Variants in PARD3B observed in about 807,000 individuals in gnomAD.
PARD3B encodes the protein par-3 family cell polarity regulator beta.
In PARD3B, 103 loss-of-function variants were observed where a neutral mutation model predicts 130.2. The ratio of observed to expected loss-of-function variants is 0.79; its 90% CI spans 0.67 to 0.93. The LOEUF is 0.93. Among genes scored for constraint, PARD3B ranks in the 40% least tolerant of loss-of-function variants. The pLI is 0.00. For missense variants in PARD3B, 1,609 were observed against 1,499.2 expected, an observed-to-expected ratio of 1.07 and a Z score of -1.21; for synonymous variants, 583 against 553.2, an observed-to-expected ratio of 1.05 and a Z score of -0.76.
intron 11 of PARD3B, among the ~76,000 whole-genome samples, chr2:205,168,288 GGAGA>G (rs761018109): frequency 0.058 from 7,398 of 126,850 alleles, 257 homozygotes; most frequent in African/African-American, 0.082. Flanking sequence ...GGTGAGAAAG[GGAGA>G]GAGAGAGAGA....
At chr2:205,489,211 AT>A (rs140643873) in intron 20 of PARD3B, among the ~76,000 whole-genome samples, 4,571 of 152,186 alleles carry the variant, frequency 0.03, 245 homozygotes, top group African/African-American at 0.11. Flanking sequence ...TATGTTGTTA[AT>A]AAAATTGACA....
At chr2:205,415,248 C>T (rs2111078) in intron 19 of PARD3B, among the ~76,000 whole-genome samples, 12,276 of 152,082 alleles carry the variant, frequency 0.081, 1,532 homozygotes, top group African/African-American at 0.27. Context: ...TATTTTCACA[C>T]GGCAACTTAA....
chr2:205,154,350 C>T (rs948237152), intron 10 of PARD3B, among the ~76,000 whole-genome samples: 1 of 152,156 alleles, frequency 6.6e-6, no homozygotes, highest in African/African-American at 2.4e-5. Flanking sequence ...CCATGAGACA[C>T]CATCTCACAC....
At chr2:205,362,147 A>G (rs2044412531) in intron 18 of PARD3B, among the ~76,000 whole-genome samples, 1 of 152,224 alleles carries the variant, frequency 6.6e-6, no homozygotes, top group African/African-American at 2.4e-5. Flanking sequence ...GCTGGTGACA[A>G]TGAAAAGTAG....
At chr2:205,389,392 C>T (rs1007053880) in intron 18 of PARD3B, among the ~76,000 whole-genome samples, 1 of 152,056 alleles carries the variant, frequency 6.6e-6, no homozygotes, top group Non-Finnish European at 1.5e-5. Flanking sequence ...GACGGGGTTT[C>T]GTTCTTGTCA....
At chr2:205,502,273 G>A (rs181220850) in intron 21 of PARD3B, among the ~76,000 whole-genome samples, 117 of 152,158 alleles carry the variant, frequency 7.7e-4, no homozygotes, top group African/African-American at 2.7e-3. Context: ...CCTGTCAAGC[G>A]GCCAGACCCA....
intron 1 of PARD3B, among the ~76,000 whole-genome samples, chr2:204,616,293 A>G (rs2034110530): frequency 6.6e-6 from 1 of 152,216 alleles, no homozygotes; most frequent in African/African-American, 2.4e-5. Flanking sequence ...GAAAAACCCA[A>G]TTAAGAAATG....
chr2:204,579,912 G>A (rs2032463978), intron 1 of PARD3B, among the ~76,000 whole-genome samples: 1 of 152,244 alleles, frequency 6.6e-6, no homozygotes, highest in African/African-American at 2.4e-5. Context: ...GGTTAGGAAA[G>A]TAGCAAGTTA....
At chr2:205,610,026 C>T (rs867843360) in intron 22 of PARD3B, among the ~76,000 whole-genome samples, 2 of 152,210 alleles carry the variant, frequency 1.3e-5, no homozygotes, top group African/African-American at 2.4e-5. Context: ...CTCAAGTTTT[C>T]CCCTTCAATA....
intron 18 of PARD3B, among the ~76,000 whole-genome samples, chr2:205,339,583 T>C (rs2043441680): frequency 6.6e-6 from 1 of 152,220 alleles, no homozygotes; most frequent in Non-Finnish European, 1.5e-5. Context: ...GTTGGAGGTA[T>C]TGGCTTGGTT....
intron 2 of PARD3B, among the ~76,000 whole-genome samples, chr2:204,864,802 C>T (rs1489289603): frequency 6.6e-6 from 1 of 152,098 alleles, no homozygotes; most frequent in Non-Finnish European, 1.5e-5. Context: ...CAGAAACTCA[C>T]ATGTGTAAGT....
At chr2:205,293,527 C>T (rs1263154642) in intron 16 of PARD3B, 2 of 152,068 alleles carry the variant, frequency 1.3e-5, no homozygotes, top group African/African-American at 4.8e-5. Flanking sequence ...ATTTAAAGCA[C>T]ACATGAGGTG....
chr2:205,341,709 C>T lies in PARD3B; in HGVS notation c.2630+40008C>T, dbSNP rs1286891406. Among the ~76,000 whole-genome samples, 1 of 151,830 alleles carries T rather than the reference C, an allele frequency of 6.6e-6. No individual in the cohort carries two copies. Among genetic ancestry groups the T allele is most frequent in the African/African-American group, 2.4e-5 (1 of 41,356 alleles). On this transcript the variant is annotated intron_variant, in intron 18 of 22. Coordinates refer to ENST00000406610, the MANE Select transcript of PARD3B (RefSeq NM_001302769.2). The surrounding 1 kb of genome is among the most constrained non-coding windows in gnomAD (Gnocchi z 4.3). ...CAATTTATTGTATATTTTTCAAAAA[C>T]CTAGAGGAGAGGATTTTGAATGTTC... is the stretch of plus-strand genomic sequence containing the variant.
chr2:204,973,027 A>G (rs1375986738), intron 3 of PARD3B, among the ~76,000 whole-genome samples: 3 of 152,090 alleles, frequency 2.0e-5, no homozygotes, highest in African/African-American at 7.2e-5. Flanking sequence ...CTTTTAATAA[A>G]GGGGAGGAAA....
At chr2:204,695,212 C>A (rs1447628189) in intron 2 of PARD3B, among the ~76,000 whole-genome samples, 1 of 151,828 alleles carries the variant, frequency 6.6e-6, no homozygotes, top group Non-Finnish European at 1.5e-5. Flanking sequence ...TCTTTTGAAG[C>A]TATTTGTATA....
chr2:205,066,948 G>A (rs1307491980), intron 4 of PARD3B, among the ~76,000 whole-genome samples: 1 of 152,038 alleles, frequency 6.6e-6, no homozygotes, highest in Non-Finnish European at 1.5e-5. Flanking sequence ...CCCATGCAGT[G>A]CGTGAGGGGA....
intron 21 of PARD3B, among the ~76,000 whole-genome samples, chr2:205,514,742 C>T (rs1364577327): frequency 6.6e-6 from 1 of 151,818 alleles, no homozygotes; most frequent in Non-Finnish European, 1.5e-5. Context: ...ATATACTTGG[C>T]ATACTCCAGG....
chr2:205,077,438 C>G (rs933574834), intron 4 of PARD3B, among the ~76,000 whole-genome samples: 2 of 152,100 alleles, frequency 1.3e-5, no homozygotes, highest in African/African-American at 4.8e-5. Flanking sequence ...AGATAAGTAA[C>G]AATTCAGTCA....
At chr2:204,758,578 G>C (rs370615434) in intron 2 of PARD3B, among the ~76,000 whole-genome samples, 1 of 152,152 alleles carries the variant, frequency 6.6e-6, no homozygotes, top group African/African-American at 2.4e-5. Context: ...AGGTGCTTTA[G>C]ATTGCAAAGG....
Sources: gnomAD v4.1 joint callset for allele counts (sites outside exome capture counted in the v4.1 genomes callset) on GRCh38, gnomAD v4.1.1 for gene constraint, Gnocchi (gnomAD v3.1) non-coding constraint, MANE v1.5 for transcripts, NCBI Gene and HGNC (gene_info 2026-07-23, HGNC 2026-07-21) for gene names.